The following SETBP1 variants were observed in gnomAD, a reference collection of about 807,000 sequenced individuals.
SETBP1 encodes SET-binding protein.
A neutral mutation model predicts 101.0 loss-of-function variants in SETBP1; 9 were observed. The ratio of observed to expected loss-of-function variants is 0.09; its 90% CI spans 0.05 to 0.16. The LOEUF is 0.16. SETBP1 is among the 10% of genes least tolerant of loss of function. The pLI is 1.00. For missense variants in SETBP1, 1,858 were observed against 2,033.8 expected (o/e 0.91, Z 1.66); for synonymous variants, 818 against 788.5 (o/e 1.04, Z -0.63).
rs746564464 is a variant in SETBP1, at chr18:44,952,731, T to C, written c.3391T>C (p.Ser1131Pro). 1.2e-6 allele frequency: 2 copies of C among 1,614,052 alleles called. No homozygotes were observed. Among genetic ancestry groups the C allele is most frequent in the South Asian group, 2.2e-5 (2 of 91,070 alleles). Residue 1131 changes from serine (S) to proline (P), a missense_variant, in exon 4 of 6, where the codon TCT (serine) becomes CCT (proline). By Grantham distance (74) the Ser-to-Pro change is moderately conservative. Around this residue, in one of 12 missense-constraint regions of SETBP1, gnomAD observed 417 missense variants for 389.1 expected, o/e 1.07. Transcript: ENST00000649279. ...CATGGGCCTTGGTGACATGCAGCCT[T>C]CTCTGAACCCTCCCAAGGTAGGCAG... ...VSMGLGDMQP[S>P]LNPPKVGSAS...
chr18:44,942,815 G>A (rs2071116282), intron 3 of SETBP1, among the ~76,000 whole-genome samples: 1 of 152,128 alleles, frequency 6.6e-6, no homozygotes, highest in Non-Finnish European at 1.5e-5. Flanking sequence ...ATATGGTAGG[G>A]CCCTCTGTCG....
At chr18:44,821,675 TA>T (rs1416363879) in intron 2 of SETBP1, among the ~76,000 whole-genome samples, 3 of 152,236 alleles carry the variant, frequency 2.0e-5, no homozygotes, top group Non-Finnish European at 4.4e-5. Flanking sequence ...GAGTGTTAAA[TA>T]AGTGCTTGTA....
intron 2 of SETBP1, among the ~76,000 whole-genome samples, chr18:44,791,213 T>C (rs2071364726): frequency 6.6e-6 from 1 of 152,144 alleles, no homozygotes; most frequent in Non-Finnish European, 1.5e-5. Flanking sequence ...GGCGCTCTTG[T>C]ATCTAGTGGG....
At chr18:44,848,624 C>G (rs1319188981) in intron 2 of SETBP1, among the ~76,000 whole-genome samples, 1 of 152,192 alleles carries the variant, frequency 6.6e-6, no homozygotes, top group Non-Finnish European at 1.5e-5. Context: ...AGAAATCCCC[C>G]AACTGTCTCA....
intron 3 of SETBP1, among the ~76,000 whole-genome samples, chr18:44,936,885 A>G (rs944282734): frequency 6.6e-6 from 1 of 152,168 alleles, no homozygotes; most frequent in African/African-American, 2.4e-5. Context: ...ACATTAGGCT[A>G]GGTTGAAAGC....
intron 4 of SETBP1, among the ~76,000 whole-genome samples, chr18:44,995,529 TTGTGTGTG>T (rs60256060): frequency 9.8e-4 from 140 of 142,966 alleles, no homozygotes; most frequent in South Asian, 2.1e-3. Context: ...GTCCAGGCTT[TTGTGTGTG>T]TGTGTGTGTG....
intron 4 of SETBP1, chr18:44,988,449 A>T (rs1165567697): frequency 6.6e-6 from 1 of 152,246 alleles, no homozygotes. Flanking sequence ...AACCTTTCTG[A>T]TATAAAATGT....
chr18:44,883,772 A>G (rs1176922349), intron 3 of SETBP1, among the ~76,000 whole-genome samples: 1 of 151,818 alleles, frequency 6.6e-6, no homozygotes, highest in Non-Finnish European at 1.5e-5. Context: ...GATTAAGGGA[A>G]TTTTTTTTTC....
At chr18:44,702,067 C>A (rs914519996) in intron 2 of SETBP1, among the ~76,000 whole-genome samples, 1 of 152,138 alleles carries the variant, frequency 6.6e-6, no homozygotes, top group South Asian at 2.1e-4. Flanking sequence ...AGTTGATTAA[C>A]ACTTATTTTA....
intron 2 of SETBP1, among the ~76,000 whole-genome samples, chr18:44,789,004 T>C (rs1358918830): frequency 1.3e-5 from 2 of 152,024 alleles, no homozygotes; most frequent in African/African-American, 2.4e-5. Flanking sequence ...GGTTTTAACA[T>C]GTTGTCCAGG....
At chr18:45,048,156 G>T (rs576694462) in intron 5 of SETBP1, among the ~76,000 whole-genome samples, 3 of 152,280 alleles carry the variant, frequency 2.0e-5, no homozygotes, top group Non-Finnish European at 2.9e-5. Flanking sequence ...AAGGGTCAGG[G>T]TTATTGCGGT....
intron 4 of SETBP1, among the ~76,000 whole-genome samples, chr18:45,004,794 G>A (rs1411924769): frequency 6.6e-6 from 1 of 152,208 alleles, no homozygotes; most frequent in Non-Finnish European, 1.5e-5. Context: ...CAGAGTCTCT[G>A]AACGGCAAAG....
At chr18:45,032,266 C>T (rs899358417) in intron 4 of SETBP1, among the ~76,000 whole-genome samples, 6 of 152,114 alleles carry the variant, frequency 3.9e-5, no homozygotes, top group African/African-American at 9.7e-5. Flanking sequence ...GTGAAGGACT[C>T]GTTGGACATC....
At chr18:44,977,650 G>A (rs1355812143) in intron 4 of SETBP1, among the ~76,000 whole-genome samples, 1 of 152,210 alleles carries the variant, frequency 6.6e-6, no homozygotes, top group African/African-American at 2.4e-5. Context: ...TTCCTTGGTA[G>A]AAGTTACAAT....
Position 44,951,649 on chromosome 18 carries a change from C to A in SETBP1, c.2309C>A (p.Ala770Glu). 6.2e-7 allele frequency: 1 copy of A among 1,614,114 alleles called. No homozygotes were observed. Among genetic ancestry groups the A allele is most frequent in the Non-Finnish European group, 8.5e-7 (1 of 1,180,028 alleles). The change falls in exon 4 of 6, where the codon GCG (alanine) becomes GAG (glutamate). Residue 770 changes from alanine (A) to glutamate (E), a missense_variant. Around this residue, in one of 12 missense-constraint regions of SETBP1, gnomAD observed 121 missense variants for 138.0 expected, o/e 0.88. Coordinates refer to ENST00000649279, the MANE Select transcript of SETBP1 (RefSeq NM_015559.3). This position sits in a 1 kb window ranked among gnomAD's most constrained non-coding sequence, Gnocchi z 7.8. ...AVPSNFQSLV[A>E]SSPAAMHPLS... ...CCTTCCAACTTTCAGTCACTTGTGG[C>A]GTCTTCACCAGCAGCTATGCACCCA...
chr18:44,848,998 A>T (rs771294002), intron 2 of SETBP1, among the ~76,000 whole-genome samples: 2 of 152,230 alleles, frequency 1.3e-5, no homozygotes, highest in Non-Finnish European at 2.9e-5. Flanking sequence ...CCAAAAATCA[A>T]GGAAGAAAAT....
chr18:45,050,088 C>T (rs1423704271), intron 5 of SETBP1, among the ~76,000 whole-genome samples: 3 of 152,154 alleles, frequency 2.0e-5, no homozygotes, highest in African/African-American at 7.2e-5. Flanking sequence ...CTAAGGGACA[C>T]TAATCAAGGT....
chr18:44,758,990 C>T (rs964719109), intron 2 of SETBP1, among the ~76,000 whole-genome samples: 4 of 152,232 alleles, frequency 2.6e-5, no homozygotes, highest in African/African-American at 7.2e-5. Context: ...GGTCTACACC[C>T]AAACTCTCTT....
chr18:44,990,901 A>G (rs1010452222), intron 4 of SETBP1, among the ~76,000 whole-genome samples: 6 of 149,942 alleles, frequency 4.0e-5, no homozygotes, highest in African/African-American at 1.5e-4. Flanking sequence ...AACTAAAGGT[A>G]TAACTTACAA....
Sources: allele counts gnomAD v4.1 joint callset (sites outside exome capture counted in the v4.1 genomes callset), GRCh38; gene constraint gnomAD v4.1.1; regional missense constraint gnomAD v4.1.1; non-coding constraint Gnocchi (gnomAD v3.1); transcripts MANE v1.5; gene names NCBI Gene and HGNC (gene_info 2026-07-23, HGNC 2026-07-21).